The following CDH19 variants were observed in gnomAD, a reference collection of about 807,000 sequenced individuals.
The protein encoded by CDH19 is cadherin-19.
A neutral mutation model predicts 64.2 loss-of-function variants in CDH19; 67 were observed. The observed-to-expected ratio is 1.04, with a 90% CI of 0.86 to 1.28. CDH19 has a LOEUF of 1.28. Ranked by LOEUF, CDH19 falls within the 50% of genes most tolerant of loss-of-function variation. The pLI, the probability that CDH19 is intolerant of heterozygous loss-of-function variation, is 0.00. For synonymous variants in CDH19, 346 were observed against 319.3 expected, an observed-to-expected ratio of 1.08 and a Z score of -0.89; for missense variants, 1,030 against 929.0, an observed-to-expected ratio of 1.11 and a Z score of -1.41.
chr18:66,560,159 T>C (rs967798263), intron 3 of CDH19, among the ~76,000 whole-genome samples: 1 of 152,124 alleles, frequency 6.6e-6, no homozygotes, highest in Non-Finnish European at 1.5e-5. Context: ...CTACAGTAGT[T>C]GCACTAATAA....
chr18:66,571,058 G>C (rs1170429758), intron 2 of CDH19, among the ~76,000 whole-genome samples: 2 of 151,624 alleles, frequency 1.3e-5, no homozygotes, highest in Non-Finnish European at 3.0e-5. Context: ...AAAATAAAAG[G>C]GGTTGAGAAA....
At chr18:66,587,909 T>A (rs1988623986) in intron 1 of CDH19, among the ~76,000 whole-genome samples, 1 of 152,312 alleles carries the variant, frequency 6.6e-6, no homozygotes, top group Admixed American at 6.5e-5. Context: ...CTTAGTAATT[T>A]GTCTCATAAT....
At chr18:66,583,404 A>G (rs1392421897) in intron 1 of CDH19, among the ~76,000 whole-genome samples, 2 of 152,040 alleles carry the variant, frequency 1.3e-5, no homozygotes, top group Non-Finnish European at 2.9e-5. Context: ...AACTCATGTC[A>G]CAGGAGTTTG....
intron 9 of CDH19, among the ~76,000 whole-genome samples, chr18:66,522,408 G>A (rs946108483): frequency 1.2e-4 from 18 of 151,824 alleles, no homozygotes; most frequent in South Asian, 4.2e-4. Flanking sequence ...TCGCCACTAC[G>A]CCCGGCTAAT....
At chr18:66,601,036 G>A (rs1223153608) in intron 1 of CDH19, among the ~76,000 whole-genome samples, 1 of 151,806 alleles carries the variant, frequency 6.6e-6, no homozygotes, top group African/African-American at 2.4e-5. Flanking sequence ...CTGTCAAGAA[G>A]TATTTGCTTA....
chr18:66,603,650 T>C (rs1209232859), intron 1 of CDH19, among the ~76,000 whole-genome samples: 2 of 152,100 alleles, frequency 1.3e-5, no homozygotes, highest in Non-Finnish European at 2.9e-5. Context: ...TTGATTCATT[T>C]ATTCTAAGAA....
At chr18:66,569,200 G>A (rs1372221959) in intron 2 of CDH19, among the ~76,000 whole-genome samples, 2 of 151,554 alleles carry the variant, frequency 1.3e-5, no homozygotes, top group Non-Finnish European at 3.0e-5. Context: ...TGATAATCTT[G>A]ACTGTTCATT....
intron 10 of CDH19, among the ~76,000 whole-genome samples, chr18:66,510,352 A>G (rs546357241): frequency 6.6e-6 from 1 of 151,012 alleles, no homozygotes; most frequent in East Asian, 1.9e-4. Flanking sequence ...GACCACAAGC[A>G]TTAAACCAAA....
At chr18:66,589,393 A>T (rs7240685) in intron 1 of CDH19, among the ~76,000 whole-genome samples, 73,338 of 151,484 alleles carry the variant, frequency 0.48, 18,644 homozygotes, top group Non-Finnish European at 0.57. Flanking sequence ...GCTTTCATTA[A>T]GAAGATATAG....
At chr18:66,545,884 T>A (rs1391160691) in intron 5 of CDH19, among the ~76,000 whole-genome samples, 1 of 152,072 alleles carries the variant, frequency 6.6e-6, no homozygotes. Flanking sequence ...CTAATTGATT[T>A]GGTCCTAAGA....
intron 4 of CDH19, among the ~76,000 whole-genome samples, chr18:66,553,974 G>GA (rs1987424890): frequency 1.1e-5 from 1 of 88,822 alleles, no homozygotes. Context: ...CTTAATCTCA[G>GA]TCATTCTGCA....
At chr18:66,602,511 A>G (rs1370568269) in intron 1 of CDH19, among the ~76,000 whole-genome samples, 1 of 151,936 alleles carries the variant, frequency 6.6e-6, no homozygotes, top group Non-Finnish European at 1.5e-5. Flanking sequence ...TAAGTGAAAA[A>G]CAAAACAAAA....
intron 1 of CDH19, among the ~76,000 whole-genome samples, chr18:66,586,732 T>C (rs1385374777): frequency 6.6e-6 from 1 of 151,912 alleles, no homozygotes; most frequent in Non-Finnish European, 1.5e-5. Flanking sequence ...AAAGGTACTC[T>C]GTATTTTTGT....
intron 9 of CDH19, among the ~76,000 whole-genome samples, chr18:66,524,344 A>G (rs2144395387): frequency 6.6e-6 from 1 of 152,060 alleles, no homozygotes; most frequent in East Asian, 1.9e-4. Context: ...TTTCAGTTAG[A>G]CAAGAAAAAT....
At chr18:66,510,966 T>C (rs190564990) in intron 10 of CDH19, among the ~76,000 whole-genome samples, 6 of 151,826 alleles carry the variant, frequency 4.0e-5, no homozygotes, top group Non-Finnish European at 8.9e-5. Flanking sequence ...AAAGTATCTC[T>C]TACTGAAGCT....
intron 5 of CDH19, 45 bp downstream of exon 5, chr18:66,551,049 C>T (rs1987319608): frequency 9.4e-7 from 1 of 1,066,388 alleles, no homozygotes; most frequent in Non-Finnish European, 1.4e-6. Context: ...ATTTAACACA[C>T]TCATATTTAT....
At chr18:66,508,625 A>T (rs948880099) in intron 11 of CDH19, among the ~76,000 whole-genome samples, 20 of 152,076 alleles carry the variant, frequency 1.3e-4, no homozygotes, top group Non-Finnish European at 7.4e-5. Flanking sequence ...CATATAAAAC[A>T]CTGAAGATTG....
chr18:66,600,975 A>G (rs1393269864), intron 1 of CDH19, among the ~76,000 whole-genome samples: 1 of 151,876 alleles, frequency 6.6e-6, no homozygotes, highest in South Asian at 2.1e-4. Flanking sequence ...ATCAAATACT[A>G]TGGGGGAAGA....
Position 66,572,143 on chromosome 18 carries a change from C to A in CDH19, c.62G>T (p.Gly21Val). The A allele has an allele frequency of 6.2e-7, 1 of 1,611,502 alleles. No homozygotes were observed. Among genetic ancestry groups the A allele is most frequent in the Non-Finnish European group, 8.5e-7 (1 of 1,178,394 alleles). Residue 21 changes from glycine (G) to valine (V), a missense_variant, in exon 2 of 12, where the codon GGA (glycine) becomes GTA (valine). Physicochemically the swap from Gly to Val is moderately radical, Grantham distance 109. Transcript: ENST00000262150. ...CTTTGTTTGAGAGTTTTCTGTTGCT[C>A]CAAGACAAGGCCATAGGAGAGGAAT... Reference protein sequence around the residue: ...LGIPLLWPCLGATENSQTKKV... With the variant: ...LGIPLLWPCLVATENSQTKKV...
Sources: gnomAD v4.1 joint callset for allele counts (sites outside exome capture counted in the v4.1 genomes callset) on GRCh38, gnomAD v4.1.1 for gene constraint, MANE v1.5 for transcripts, NCBI Gene and HGNC (gene_info 2026-07-23, HGNC 2026-07-21) for gene names.